ASAP1: variants seen among roughly 807,000 people sequenced by gnomAD.
ASAP1 encodes ArfGAP with SH3 domain, ankyrin repeat and PH domain 1.
ASAP1 carries 43 observed loss-of-function variants against 145.2 expected under a neutral mutation model. The observed-to-expected ratio is 0.30, with a 90% confidence interval of 0.23 to 0.38. ASAP1 has a LOEUF of 0.38. Ranked by LOEUF, ASAP1 falls within the 10% of genes least tolerant of loss-of-function variation. ASAP1 has a pLI of 1.00. For missense variants in ASAP1, 1,018 were observed against 1,355.3 expected, an observed-to-expected ratio of 0.75 and a Z score of 3.91; for synonymous variants, 546 against 515.5, an observed-to-expected ratio of 1.06 and a Z score of -0.80.
At chr8:130,234,153 C>A (rs2136643621) in intron 4 of ASAP1, among the ~76,000 whole-genome samples, 1 of 152,192 alleles carries the variant, frequency 6.6e-6, no homozygotes, top group South Asian at 2.1e-4. Flanking sequence ...TACATGTTCT[C>A]CTACAGTATC....
intron 14 of ASAP1, 61 bp from the exon 15 acceptor site, chr8:130,134,405 A>G: frequency 7.2e-6 from 8 of 1,104,486 alleles, no homozygotes; most frequent in Non-Finnish European, 1.0e-5. Flanking sequence ...TTCAGGTACA[A>G]CACAGATTTA....
At chr8:130,256,457 G>T (rs2136920226) in intron 3 of ASAP1, among the ~76,000 whole-genome samples, 1 of 151,954 alleles carries the variant, frequency 6.6e-6, no homozygotes, top group Middle Eastern at 3.4e-3. Flanking sequence ...CATTCATTTG[G>T]CACAATATTC....
At position 130,325,510 on chromosome 8, in the gene ASAP1, A is replaced by G. The variant is rs151122308; in HGVS notation, c.186+32507T>C. ...AGTAAGAGACATCTGTTCTTAAACT[A>G]TGTGATCTAAAAGTTCAAACACACC... On this transcript the variant is annotated intron_variant, in intron 3 of 29. Transcript: ENST00000518721. Among the ~76,000 whole-genome samples the G allele has an allele frequency of 1.2e-4, 18 of 152,348 alleles. No individual in the cohort carries two copies. In the East Asian group the frequency reaches 3.1e-3, roughly 26 times the overall value.
At chr8:130,389,544 T>C (rs1486051102) in intron 2 of ASAP1, among the ~76,000 whole-genome samples, 2 of 152,184 alleles carry the variant, frequency 1.3e-5, no homozygotes, top group African/African-American at 4.8e-5. Context: ...AGGTTAGAGT[T>C]GTACAAATTA....
chr8:130,381,698 T>C (rs976923497), intron 2 of ASAP1, among the ~76,000 whole-genome samples: 2 of 152,224 alleles, frequency 1.3e-5, no homozygotes, highest in African/African-American at 4.8e-5. Context: ...AGGCCTTATA[T>C]GACCAGGCCA....
At chr8:130,328,644 T>C (rs1225063369) in intron 3 of ASAP1, among the ~76,000 whole-genome samples, 1 of 150,822 alleles carries the variant, frequency 6.6e-6, no homozygotes, top group Non-Finnish European at 1.5e-5. Context: ...CAAGGTCTCC[T>C]CTGTCACACA....
At chr8:130,232,141 C>T (rs983470178) in intron 4 of ASAP1, among the ~76,000 whole-genome samples, 9 of 152,176 alleles carry the variant, frequency 5.9e-5, no homozygotes, top group African/African-American at 2.2e-4. Context: ...GCTATCTTGT[C>T]TATGGACTGG....
At position 130,373,182 on chromosome 8, in the gene ASAP1, G is replaced by GA. The variant is rs796141516; in HGVS notation, c.60-15040dup. ...CATCTTTTCTGGAAAACAAGAGCCA[G>GA]AAAAAAAAAAAAACCATGTAAATCT... On this transcript the variant is annotated intron_variant, in intron 2 of 29. Coordinates refer to ENST00000518721, the MANE Select transcript of ASAP1 (RefSeq NM_018482.4). Among the ~76,000 whole-genome samples, 322 of 122,482 alleles carry GA rather than the reference G, an allele frequency of 2.6e-3. 1 individual carries two copies. Among genetic ancestry groups the GA allele is most frequent in the Non-Finnish European group, 3.8e-3 (212 of 55,992 alleles). The allele number at this position is 122,482 out of a possible 152,430, so 80.4% of individuals were successfully genotyped here.
At chr8:130,101,732 A>AGTTTTTTTTTTTTTTTTTTTTTTTTTTT in intron 24 of ASAP1, among the ~76,000 whole-genome samples, 1 of 86,968 alleles carries the variant, frequency 1.1e-5, no homozygotes, top group Non-Finnish European at 2.0e-5. Context: ...CACCTGGTTA[A>AGTTTTTTTTTTTTTTTTTTTTTTTTTTT]TTTTTTTTTT....
intron 3 of ASAP1, among the ~76,000 whole-genome samples, chr8:130,289,254 A>C (rs1821806791): frequency 6.6e-6 from 1 of 152,214 alleles, no homozygotes; most frequent in Admixed American, 6.5e-5. Context: ...AACATGGGAA[A>C]ATGGGTATGT....
chr8:130,389,702 T>A (rs1432180932), intron 2 of ASAP1, among the ~76,000 whole-genome samples: 1 of 152,110 alleles, frequency 6.6e-6, no homozygotes, highest in Non-Finnish European at 1.5e-5. Flanking sequence ...TTCTTTTTAT[T>A]TATTTATTTT....
chr8:130,063,614 G>A (rs927844210), intron 27 of ASAP1, among the ~76,000 whole-genome samples: 99 of 152,262 alleles, frequency 6.5e-4, no homozygotes, highest in African/African-American at 2.4e-3. Flanking sequence ...GCTGCATGAC[G>A]TAGCTTCATC....
At chr8:130,136,637 A>C (rs1268256461) in intron 14 of ASAP1, among the ~76,000 whole-genome samples, 1 of 151,912 alleles carries the variant, frequency 6.6e-6, no homozygotes, top group African/African-American at 2.4e-5. Context: ...AGAAATGGGA[A>C]TATACTAAGA....
chr8:130,203,104 C>CA (rs1565084551), intron 5 of ASAP1, among the ~76,000 whole-genome samples: 4 of 151,624 alleles, frequency 2.6e-5, no homozygotes, highest in Admixed American at 1.3e-4. Flanking sequence ...AAAAAACACA[C>CA]ACAACAACAA....
chr8:130,204,221 G>A (rs1051434574), intron 5 of ASAP1, among the ~76,000 whole-genome samples: 3 of 152,158 alleles, frequency 2.0e-5, no homozygotes, highest in South Asian at 4.1e-4. Flanking sequence ...TAGGTTGCAC[G>A]CTACTTATGA....
Position 130,108,780 on chromosome 8 carries a change from T to G in ASAP1, c.2401+3314A>C, listed in dbSNP as rs1005635821. Among the ~76,000 whole-genome samples the G allele has an allele frequency of 6.5e-4, 85 of 130,654 alleles. 1 individual carries two copies. The South Asian group carries it at 0.02, about 31-fold the overall frequency. 85.7% of individuals were successfully genotyped at this position (130,654 alleles called of 152,430 possible). On this transcript the variant is annotated intron_variant, in intron 24 of 29. Coordinates refer to ENST00000518721, the MANE Select transcript of ASAP1 (RefSeq NM_018482.4). ...CAGTTTTTTTTTTTTTTTTTTTTTTTTTTTTTTTTTTTGAGATGGAGTTTC... is the reference window on the plus strand; with the variant it reads ...CAGTTTTTTTTTTTTTTTTTTTTTTGTTTTTTTTTTTTGAGATGGAGTTTC...
At chr8:130,200,025 T>C (rs1815764998) in intron 5 of ASAP1, among the ~76,000 whole-genome samples, 1 of 152,182 alleles carries the variant, frequency 6.6e-6, no homozygotes. Flanking sequence ...CATCTTAATT[T>C]GATCAGAGCA....
intron 27 of ASAP1, among the ~76,000 whole-genome samples, chr8:130,068,009 A>T (rs1008038798): frequency 6.6e-6 from 1 of 152,158 alleles, no homozygotes; most frequent in East Asian, 1.9e-4. Context: ...AAAGGATAAA[A>T]GGGTGGGGGA....
At chr8:130,099,608 T>C (rs1317501543) in intron 24 of ASAP1, among the ~76,000 whole-genome samples, 2 of 151,926 alleles carry the variant, frequency 1.3e-5, no homozygotes, top group African/African-American at 4.8e-5. Flanking sequence ...TATCTTTCTG[T>C]GCCTGGCTTA....
Sources: gnomAD v4.1 joint callset for allele counts (sites outside exome capture counted in the v4.1 genomes callset) on GRCh38, gnomAD v4.1.1 for gene constraint, MANE v1.5 for transcripts, NCBI Gene and HGNC (gene_info 2026-07-23, HGNC 2026-07-21) for gene names.